The following NLRP12 variants were observed in gnomAD, a reference collection of about 807,000 sequenced individuals.
NLRP12 encodes the protein NLR family pyrin domain containing 12.
Under a neutral mutation model 91.2 loss-of-function variants are expected in NLRP12, and 108 were observed. The observed-to-expected ratio is 1.18, with a 90% CI of 1.01 to 1.39. The LOEUF (loss-of-function observed/expected upper bound fraction) is 1.39. NLRP12 is among the 40% of genes most tolerant of loss of function. The pLI is 0.00. For synonymous variants in NLRP12, 613 were observed against 566.7 expected (o/e 1.08, Z -1.16); for missense variants, 1,530 against 1,352.7 (o/e 1.13, Z -2.06).
rs199881207 is a variant in NLRP12 at position 53,810,605 on chromosome 19, G to A, written c.1054C>T (p.Arg352Cys). 2.8e-4 allele frequency: 454 copies of A among 1,614,044 alleles called. 1 individual carries two copies. The highest frequency in any genetic ancestry group is 9.9e-4 in the South Asian group (90 of 91,070). ...ACATGCCTGGGGTGCTCCAGCAGAC[G>A]GTGGAGCTTCTCCAAAGCCGTGGGC... ...TRPTALEKLHRLLEHPRHVEI... is the reference protein window; with the variant it reads ...TRPTALEKLHCLLEHPRHVEI... The change falls in exon 3 of 10, where the codon CGT becomes TGT. Residue 352 changes from arginine (R) to cysteine (C), a missense_variant. Arg to Cys is a radical substitution (Grantham distance 180). Coordinates refer to ENST00000324134, the MANE Select transcript of NLRP12 (RefSeq NM_144687.4).
chr19:53,795,134 G>GTGTGTA (rs2091730446), intron 9 of NLRP12, among the ~76,000 whole-genome samples: 1 of 150,004 alleles, frequency 6.7e-6, no homozygotes, highest in Non-Finnish European at 1.5e-5. Context: ...GTGTGTGTGT[G>GTGTGTA]TGTAAAGAAA....
In NLRP12 at chr19:53,810,060, G is replaced by A. The variant is rs758678359; in HGVS notation, c.1599C>T (p.Gly533=). The A allele has an allele frequency of 3.5e-5, 57 of 1,613,996 alleles. No individual in the cohort carries two copies. In the East Asian group the frequency reaches 4.5e-4, roughly 13 times the overall value. ...TCACGTCCTGGTCTGGGCCTGCCCC[G>A]CCCTCCCCCTCGTCCAGGATATAGT... ...AMYYILDEGE[G]GAGPDQDVTR... is the part of the protein sequence containing the mutation. The change falls in exon 3 of 10, where the codon GGC becomes GGT. Residue 533 remains glycine (G), a synonymous_variant. Coordinates refer to ENST00000324134, the MANE Select transcript of NLRP12 (RefSeq NM_144687.4).
At chr19:53,821,304 C>T (rs943093904) in intron 1 of NLRP12, among the ~76,000 whole-genome samples, 8 of 151,844 alleles carry the variant, frequency 5.3e-5, no homozygotes, top group Non-Finnish European at 1.0e-4. Context: ...TCCCAAAGTG[C>T]TGGGATTACA....
intron 1 of NLRP12, among the ~76,000 whole-genome samples, chr19:53,823,311 T>C (rs1382096749): frequency 2.2e-5 from 3 of 137,120 alleles, no homozygotes; most frequent in Non-Finnish European, 4.6e-5. Flanking sequence ...ATAGTATATT[T>C]ATATAATAAA....
intron 9 of NLRP12, 110 bp downstream of exon 9, chr19:53,795,749 C>T (rs1568653935): frequency 1.1e-6 from 1 of 923,842 alleles, no homozygotes; most frequent in Non-Finnish European, 1.7e-6. Flanking sequence ...TGTATGCCCC[C>T]TAATTGCATA....
In NLRP12 at chr19:53,794,004, C is replaced by T; in HGVS notation, c.*45G>A. 7.3e-7 allele frequency: 1 copy of T among 1,360,822 alleles called. No individual in the cohort carries two copies. Among genetic ancestry groups the T allele is most frequent in the Non-Finnish European group, 1.1e-6 (1 of 948,980 alleles). The allele number at this position is 1,360,822 out of a possible 1,614,324, so 84.3% of individuals were successfully genotyped here. A position where few individuals can be genotyped will look rare whatever the true frequency, so the allele number is the denominator to read the frequency against. ...GGGGGGGTGATGAGCACCCTCCCATCTTCCTCTGTCCAGATCTCAGGGGAG... is the reference window on the plus strand; with the variant it reads ...GGGGGGGTGATGAGCACCCTCCCATTTTCCTCTGTCCAGATCTCAGGGGAG... On this transcript the variant is annotated 3_prime_UTR_variant, in exon 10 of 10. Coordinates refer to ENST00000324134, the MANE Select transcript of NLRP12 (RefSeq NM_144687.4).
intron 1 of NLRP12, among the ~76,000 whole-genome samples, chr19:53,822,559 C>G (rs1019755916): frequency 4.6e-5 from 7 of 151,682 alleles, no homozygotes; most frequent in African/African-American, 1.7e-4. Context: ...AGTGAAACCC[C>G]GTCTCTACAA....
chr19:53,802,227 C>CAAATAAATAAATAATAAATAA (rs2091887357), intron 6 of NLRP12, among the ~76,000 whole-genome samples: 1 of 151,524 alleles, frequency 6.6e-6, no homozygotes, highest in Non-Finnish European at 1.5e-5. Context: ...AACTCCATCT[C>CAAATAAATAAATAATAAATAA]AAATAAATAA....
At chr19:53,805,249 TAAG>T (rs1461272631) in intron 5 of NLRP12, 28 bp downstream of exon 5, 1 of 1,604,476 alleles carries the variant, frequency 6.2e-7, no homozygotes, top group South Asian at 1.1e-5. Context: ...ACAATGAGCT[TAAG>T]AAGTTGCTCC....
chr19:53,817,772 T>C (rs565373866), intron 1 of NLRP12, among the ~76,000 whole-genome samples: 1 of 152,214 alleles, frequency 6.6e-6, no homozygotes, highest in East Asian at 1.9e-4. Flanking sequence ...ATTTCATGTT[T>C]TGTGTATTTT....
chr19:53,812,767 AAT>A (rs1486801466), intron 2 of NLRP12, among the ~76,000 whole-genome samples: 5 of 152,216 alleles, frequency 3.3e-5, no homozygotes, highest in Admixed American at 1.3e-4. Flanking sequence ...TTTCAAAACA[AAT>A]ATGTGTACTT....
At position 53,793,820 on chromosome 19, in the gene NLRP12, C is replaced by T. The variant is rs188195272; in HGVS notation, c.*229G>A. The T allele has an allele frequency of 1.5e-4, 91 of 611,680 alleles. No homozygotes were observed. In the Middle Eastern group the frequency reaches 1.8e-3, roughly 12 times the overall value. 37.9% of individuals were successfully genotyped at this position (611,680 alleles called of 1,614,324 possible). A position where few individuals can be genotyped will look rare whatever the true frequency, so the allele number is the denominator to read the frequency against. ...CAGGCTAATCTCAAACTCCTGACCT[C>T]GTGATCCACCTGCCTCGGCCTCTCG... On this transcript the variant is annotated 3_prime_UTR_variant, in exon 10 of 10. Transcript: ENST00000324134.
rs1568696397 is a variant in NLRP12 at position 53,819,601 on chromosome 19, A to ACG, written c.289+4284_289+4285insCG. ...TATATGTATGTATACGTATATACGC[A>ACG]TATATATGTATGTATACGTATATAC... On this transcript the variant is annotated intron_variant, in intron 1 of 9. Coordinates refer to ENST00000324134, the MANE Select transcript of NLRP12 (RefSeq NM_144687.4). Among the ~76,000 whole-genome samples, 11 of 44,392 alleles carry ACG rather than the reference A, an allele frequency of 2.5e-4. 3 individuals are homozygous for ACG. Among genetic ancestry groups the ACG allele is most frequent in the African/African-American group, 9.3e-4 (10 of 10,762 alleles). The allele number at this position is 44,392 out of a possible 152,430, so 29.1% of individuals were successfully genotyped here.
chr19:53,801,083 C>G, intron 7 of NLRP12, 144 bp downstream of exon 7: 1 of 740,664 alleles, frequency 1.4e-6, no homozygotes, highest in Non-Finnish European at 2.3e-6. Flanking sequence ...ATCTCAGCTA[C>G]TTGGGAGTCT....
At chr19:53,807,954 T>C (rs2091989583) in intron 3 of NLRP12, 3 of 397,520 alleles carry the variant, frequency 7.5e-6, no homozygotes, top group Middle Eastern at 8.6e-4. Context: ...TTCACCGTGT[T>C]GGCCAGGCTG....
At chr19:53,796,861 G>A (rs1298544096) in intron 8 of NLRP12, among the ~76,000 whole-genome samples, 1 of 151,440 alleles carries the variant, frequency 6.6e-6, no homozygotes, top group Non-Finnish European at 1.5e-5. Context: ...CGGGGTGGTG[G>A]CGCATGCCTG....
Position 53,805,320 on chromosome 19 carries a change from C to T in NLRP12, c.2374G>A (p.Glu792Lys), listed in dbSNP as rs753391798. Residue 792 changes from glutamate (E) to lysine (K), a missense_variant, in exon 5 of 10, where the codon GAG becomes AAG. Coordinates refer to ENST00000324134, the MANE Select transcript of NLRP12 (RefSeq NM_144687.4). ...CTGCACTGGGGATGCCGCAGGCCCT[C>T]GCAAAGCAGCATCATGCCTGGGAAT... ...VGFPGMMLLC[E>K]GLRHPQCRLQ... The T allele has an allele frequency of 1.3e-5, 21 of 1,613,920 alleles. No individual in the cohort carries two copies. The highest frequency in any genetic ancestry group is 9.9e-5 in the South Asian group (9 of 91,084).
At position 53,798,232 on chromosome 19, in the gene NLRP12, C is replaced by T. The variant is rs376043494; in HGVS notation, c.2927+11G>A. On this transcript the variant is annotated intron_variant, in intron 8 of 9. Coordinates refer to ENST00000324134, the MANE Select transcript of NLRP12 (RefSeq NM_144687.4). Reference sequence around the variant, plus strand: ...GTGACCACTGCCACCCCGTCACTCCCCGATGCTCACCACAGTTTCTGGAGT... The same window carrying T: ...GTGACCACTGCCACCCCGTCACTCCTCGATGCTCACCACAGTTTCTGGAGT... The T allele has an allele frequency of 3.7e-4, 599 of 1,614,070 alleles. No individual in the cohort carries two copies. Among genetic ancestry groups the T allele is most frequent in the Non-Finnish European group, 4.3e-4 (508 of 1,180,040 alleles).
Position 53,794,128 on chromosome 19 carries a change from C to A in NLRP12, c.3107G>T (p.Gly1036Val). The change falls in exon 10 of 10, where the codon GGG (glycine) becomes GTG (valine). Residue 1036 changes from glycine to valine, a missense_variant. Coordinates refer to ENST00000324134, the MANE Select transcript of NLRP12 (RefSeq NM_144687.4). ...GCKLRVLWLFGMDLNKMTHSR... is the reference protein window; with the variant it reads ...GCKLRVLWLFVMDLNKMTHSR... ...GTGGGTCATTTTATTCAGGTCCATCCCAAATAACCTGTGGACACAAGAGTT... is the reference window on the plus strand; with the variant it reads ...GTGGGTCATTTTATTCAGGTCCATCACAAATAACCTGTGGACACAAGAGTT... The A allele has an allele frequency of 6.2e-7, 1 of 1,611,338 alleles. No individual in the cohort carries two copies. Among genetic ancestry groups the A allele is most frequent in the South Asian group, 1.1e-5 (1 of 91,012 alleles).
Sources: gnomAD v4.1 joint callset for allele counts (sites outside exome capture counted in the v4.1 genomes callset) on GRCh38, gnomAD v4.1.1 for gene constraint, MANE v1.5 for transcripts, NCBI Gene and HGNC (gene_info 2026-07-23, HGNC 2026-07-21) for gene names.